The following TENM2 variants were observed in gnomAD, a reference collection of about 807,000 sequenced individuals.
TENM2 encodes teneurin-2.
Under a neutral mutation model 245.2 loss-of-function variants are expected in TENM2, and 52 were observed. That is an observed-to-expected ratio of 0.21 (90% CI 0.17 to 0.27). The LOEUF is 0.27. TENM2 is among the 10% of genes least tolerant of loss of function. The probability of loss-of-function intolerance (pLI) is 1.00; values close to 1 mark genes in which losing one functional copy is unlikely to be tolerated. For missense variants in TENM2, 3,046 were observed against 3,666.8 expected (o/e 0.83, Z 4.37); for synonymous variants, 1,363 against 1,438.9 (o/e 0.95, Z 1.19).
intron 3 of TENM2, among the ~76,000 whole-genome samples, chr5:167,894,960 AG>A (rs1775071060): frequency 7.9e-6 from 1 of 125,892 alleles, no homozygotes; most frequent in African/African-American, 2.9e-5. Flanking sequence ...GAAGGAAGGA[AG>A]GAAGGAAGGA....
chr5:167,541,190 G>C (rs1456622138), intron 2 of TENM2, among the ~76,000 whole-genome samples: 1 of 152,128 alleles, frequency 6.6e-6, no homozygotes, highest in Non-Finnish European at 1.5e-5. Flanking sequence ...CCTGAAGAAA[G>C]TAGCTAGCAA....
intron 25 of TENM2, among the ~76,000 whole-genome samples, chr5:168,239,272 G>A (rs1427623119): frequency 6.6e-6 from 1 of 152,108 alleles, no homozygotes; most frequent in African/African-American, 2.4e-5. Context: ...TCACCTTCCA[G>A]TGAATTTTTC....
At chr5:167,194,912 G>A in the TENM2 span, among the ~76,000 whole-genome samples, 1 of 151,968 alleles carries the variant, frequency 6.6e-6, no homozygotes, top group Non-Finnish European at 1.5e-5. Flanking sequence ...TACTAACAAA[G>A]CAAGCAGTGA....
intron 2 of TENM2, among the ~76,000 whole-genome samples, chr5:167,549,309 G>T (rs1383102704): frequency 6.6e-6 from 1 of 151,942 alleles, no homozygotes; most frequent in Non-Finnish European, 1.5e-5. Flanking sequence ...ACTTTATAAG[G>T]CTAATGAAAA....
chr5:167,707,194 T>C (rs1195179992), intron 2 of TENM2, among the ~76,000 whole-genome samples: 1 of 152,106 alleles, frequency 6.6e-6, no homozygotes, highest in Non-Finnish European at 1.5e-5. Flanking sequence ...ATACCAGTTT[T>C]CCATTTGTAT....
At chr5:167,094,063 G>A in the TENM2 span, among the ~76,000 whole-genome samples, 1 of 152,168 alleles carries the variant, frequency 6.6e-6, no homozygotes, top group Non-Finnish European at 1.5e-5. Flanking sequence ...ATTTCAATTA[G>A]CCATGGGCAC....
chr5:167,837,851 G>A (rs1253891591), intron 2 of TENM2, among the ~76,000 whole-genome samples: 1 of 151,898 alleles, frequency 6.6e-6, no homozygotes, highest in Non-Finnish European at 1.5e-5. Flanking sequence ...TTTGCAGTAG[G>A]TGCATCTTAG....
exon 29 of TENM2, chr5:168,262,341 A>G (rs1202420038): frequency 6.2e-7 from 1 of 1,609,012 alleles, no homozygotes; most frequent in Non-Finnish European, 8.5e-7. Context: ...AAGGACACCC[A>G]CTACTTTGTG....
intron 2 of TENM2, among the ~76,000 whole-genome samples, chr5:167,520,900 C>T (rs969917817): frequency 6.6e-6 from 1 of 150,550 alleles, no homozygotes; most frequent in Non-Finnish European, 1.5e-5. Flanking sequence ...AACATATTGG[C>T]TCAGCTCAAC....
intron 2 of TENM2, among the ~76,000 whole-genome samples, chr5:167,493,451 T>C (rs1454923909): frequency 6.6e-6 from 1 of 152,172 alleles, no homozygotes; most frequent in African/African-American, 2.4e-5. Context: ...TCTGAAGGCT[T>C]CATTGATTCA....
intron 5 of TENM2, among the ~76,000 whole-genome samples, chr5:168,015,869 C>T (rs1362036109): frequency 6.6e-6 from 1 of 152,192 alleles, no homozygotes; most frequent in African/African-American, 2.4e-5. Context: ...CCTTGAATCC[C>T]TCGTTTAATT....
intron 5 of TENM2, among the ~76,000 whole-genome samples, chr5:168,036,446 G>A (rs889258239): frequency 1.3e-5 from 2 of 151,852 alleles, no homozygotes; most frequent in African/African-American, 4.8e-5. Context: ...AGACCAGCCT[G>A]GCCAAATGGT....
chr5:168,084,195 T>C lies in TENM2; in HGVS notation c.1516-6379T>C, dbSNP rs145301780. On this transcript the variant is annotated intron_variant, in intron 7 of 28. Coordinates refer to ENST00000518659, the Ensembl canonical transcript of TENM2. ...CCTAGGTTGATCCCATCTTTACTATTGTGAATAGTGCTGCAATGAACATAT... is the reference window on the plus strand; with the variant it reads ...CCTAGGTTGATCCCATCTTTACTATCGTGAATAGTGCTGCAATGAACATAT... Among the ~76,000 whole-genome samples, 52 of 152,362 alleles carry C rather than the reference T, an allele frequency of 3.4e-4. No individual in the cohort carries two copies. The East Asian group carries it at 8.1e-3, about 24-fold the overall frequency.
intron 2 of TENM2, among the ~76,000 whole-genome samples, chr5:167,402,957 G>A (rs1762439891): frequency 1.3e-5 from 2 of 152,108 alleles, no homozygotes; most frequent in African/African-American, 2.4e-5. Flanking sequence ...TATAAAAGAA[G>A]TATATGCTTA....
At chr5:167,426,848 T>A (rs951753100) in intron 2 of TENM2, among the ~76,000 whole-genome samples, 1 of 152,190 alleles carries the variant, frequency 6.6e-6, no homozygotes, top group Non-Finnish European at 1.5e-5. Context: ...GCTCTACATT[T>A]TTTTCAATAC....
At chr5:168,120,105 G>A (rs535342719) in intron 10 of TENM2, among the ~76,000 whole-genome samples, 204 of 152,230 alleles carry the variant, frequency 1.3e-3, no homozygotes, top group Non-Finnish European at 2.1e-3. Context: ...GCATTTCATC[G>A]TTTTTAGAAC....
intron 2 of TENM2, among the ~76,000 whole-genome samples, chr5:167,809,732 G>A (rs975186485): frequency 2.5e-4 from 38 of 152,144 alleles, no homozygotes; most frequent in African/African-American, 7.2e-4. Flanking sequence ...AAAGTGTTAG[G>A]GGAAGATTTT....
intron 2 of TENM2, among the ~76,000 whole-genome samples, chr5:167,485,192 C>G (rs1260775045): frequency 6.6e-6 from 1 of 152,078 alleles, no homozygotes; most frequent in Non-Finnish European, 1.5e-5. Context: ...GTAGTAGATG[C>G]AGAAACCACA....
chr5:168,157,710 T>C (rs1317289461), intron 12 of TENM2, among the ~76,000 whole-genome samples: 1 of 152,128 alleles, frequency 6.6e-6, no homozygotes, highest in Non-Finnish European at 1.5e-5. Flanking sequence ...GGATGTGCCA[T>C]GCACTGCTCA....
Sources: gnomAD v4.1 joint callset for allele counts (sites outside exome capture counted in the v4.1 genomes callset) on GRCh38, gnomAD v4.1.1 for gene constraint, MANE v1.5 for transcripts, NCBI Gene and HGNC (gene_info 2026-07-23, HGNC 2026-07-21) for gene names.